Variants in GPHN observed in about 807,000 individuals in gnomAD.
GPHN encodes gephyrin.
Under a neutral mutation model 95.5 loss-of-function variants are expected in GPHN, and 17 were observed. The ratio of observed to expected loss-of-function variants is 0.18; its 90% CI spans 0.12 to 0.27. The LOEUF (loss-of-function observed/expected upper bound fraction) is 0.27, where lower values mean the gene tolerates loss of function less well. Among genes scored for constraint, GPHN ranks in the 10% least tolerant of loss-of-function variants. The probability of loss-of-function intolerance (pLI) is 1.00; values close to 1 mark genes in which losing one functional copy is unlikely to be tolerated. For missense variants in GPHN, 660 were observed against 978.1 expected, an observed-to-expected ratio of 0.67 and a Z score of 4.34; for synonymous variants, 320 against 322.5, an observed-to-expected ratio of 0.99 and a Z score of 0.08.
At chr14:67,559,974 G>C in the GPHN span, among the ~76,000 whole-genome samples, 2 of 152,176 alleles carry the variant, frequency 1.3e-5, no homozygotes, top group African/African-American at 4.8e-5. Flanking sequence ...TTTCTTTCTA[G>C]GAAGCCCACA....
At chr14:67,656,287 A>C in the GPHN span, 1 of 901,138 alleles carries the variant, frequency 1.1e-6, no homozygotes, top group African/African-American at 1.7e-5. Flanking sequence ...TGAGAAAAGC[A>C]TAAGAACTTA....
the GPHN span, chr14:67,454,710 G>A: frequency 6.6e-6 from 1 of 152,304 alleles, no homozygotes; most frequent in Non-Finnish European, 1.5e-5. Flanking sequence ...TATCATTAAA[G>A]TGGACTTTAA....
chr14:67,348,076 AT>A, the GPHN span, among the ~76,000 whole-genome samples: 531 of 139,762 alleles, frequency 3.8e-3, no homozygotes, highest in African/African-American at 5.0e-3. Flanking sequence ...TGCCCAGCTA[AT>A]TTTTTTTTTT....
chr14:67,473,895 A>C, the GPHN span: 2 of 1,608,770 alleles, frequency 1.2e-6, no homozygotes, highest in Non-Finnish European at 1.7e-6. The surrounding 1 kb of genome is among the most constrained non-coding windows in gnomAD (Gnocchi z 6.5). Context: ...CCAGCGGGAC[A>C]GCGCCGTCAG....
At chr14:67,330,747 C>T in the GPHN span, among the ~76,000 whole-genome samples, 9 of 152,186 alleles carry the variant, frequency 5.9e-5, no homozygotes, top group East Asian at 1.9e-4. Flanking sequence ...CCTGAGCCCC[C>T]GGCACCCCGC....
chr14:66,919,571 G>T (rs1464524239), intron 6 of GPHN, among the ~76,000 whole-genome samples: 2 of 152,152 alleles, frequency 1.3e-5, no homozygotes, highest in African/African-American at 4.8e-5. Flanking sequence ...CAAAGGTTTG[G>T]TGTCTAGCAG....
At chr14:66,925,778 T>G (rs548557847) in intron 8 of GPHN, among the ~76,000 whole-genome samples, 37 of 152,360 alleles carry the variant, frequency 2.4e-4, no homozygotes, top group African/African-American at 8.7e-4. Context: ...GTAGAGGCAT[T>G]GCTGGATCAT....
chr14:67,372,666 T>A, the GPHN span, among the ~76,000 whole-genome samples: 1 of 152,024 alleles, frequency 6.6e-6, no homozygotes, highest in East Asian at 1.9e-4. Flanking sequence ...CCGTCTCTAC[T>A]AAAATATAAA....
chr14:67,597,667 TG>T, the GPHN span, among the ~76,000 whole-genome samples: 8 of 152,218 alleles, frequency 5.3e-5, no homozygotes, highest in Non-Finnish European at 1.2e-4. Flanking sequence ...AATTCAGCCC[TG>T]ACCCTTATAG....
chr14:67,687,468 T>G, the GPHN span, among the ~76,000 whole-genome samples: 1 of 3,364 alleles, frequency 3.0e-4, no homozygotes, highest in East Asian at 0.062. Flanking sequence ...TCCATATTCC[T>G]TTTTTTTTTT....
At chr14:66,773,187 G>C (rs548097893) in intron 2 of GPHN, among the ~76,000 whole-genome samples, 1 of 152,246 alleles carries the variant, frequency 6.6e-6, no homozygotes, top group Admixed American at 6.5e-5. Flanking sequence ...TGTATGTCAG[G>C]AAAAAGATGG....
the GPHN span, among the ~76,000 whole-genome samples, chr14:67,423,162 T>C: frequency 1.3e-5 from 2 of 152,070 alleles, no homozygotes; most frequent in African/African-American, 4.8e-5. Flanking sequence ...CCTGTCATCA[T>C]CAGTGTCTTC....
chr14:67,354,855 C>A, the GPHN span, among the ~76,000 whole-genome samples: 1 of 152,124 alleles, frequency 6.6e-6, no homozygotes, highest in Non-Finnish European at 1.5e-5. Context: ...CTCTTGTTGC[C>A]CAGGCTAGAG....
At chr14:67,368,149 G>GAAA in the GPHN span, among the ~76,000 whole-genome samples, 1 of 152,148 alleles carries the variant, frequency 6.6e-6, no homozygotes. Flanking sequence ...GGAACTAGGG[G>GAAA]AAAAAGTAGG....
intron 1 of GPHN, among the ~76,000 whole-genome samples, chr14:66,619,373 AT>A (rs1456087959): frequency 6.6e-6 from 1 of 152,020 alleles, no homozygotes; most frequent in Non-Finnish European, 1.5e-5. Flanking sequence ...CCTTACCCAC[AT>A]TTGTTATGTT....
the GPHN span, among the ~76,000 whole-genome samples, chr14:67,700,284 G>A: frequency 6.6e-6 from 1 of 152,148 alleles, no homozygotes. Context: ...AAGTGCCCTG[G>A]TTATAGGAAA....
the GPHN span, chr14:67,579,306 T>C: frequency 6.6e-7 from 1 of 1,526,346 alleles, no homozygotes; most frequent in Non-Finnish European, 8.8e-7. Flanking sequence ...CAACGGGACT[T>C]ACCATGTGAG....
chr14:67,012,618 T>C (rs2073074358), intron 9 of GPHN, among the ~76,000 whole-genome samples: 1 of 152,206 alleles, frequency 6.6e-6, no homozygotes, highest in Admixed American at 6.5e-5. Flanking sequence ...ATTATTATTG[T>C]CACTTTCATC....
intron 4 of GPHN, among the ~76,000 whole-genome samples, chr14:66,830,668 T>TG (rs891226834): frequency 6.6e-6 from 1 of 152,070 alleles, no homozygotes; most frequent in African/African-American, 2.4e-5. Flanking sequence ...TCAGACAAAA[T>TG]GACCTCTTTC....
Sources: gnomAD v4.1 joint callset for allele counts (sites outside exome capture counted in the v4.1 genomes callset) on GRCh38, gnomAD v4.1.1 for gene constraint, Gnocchi (gnomAD v3.1) non-coding constraint, MANE v1.5 for transcripts, NCBI Gene and HGNC (gene_info 2026-07-23, HGNC 2026-07-21) for gene names.